Variants in CCDC97 observed in about 807,000 individuals in gnomAD.
CCDC97 encodes the protein coiled-coil domain-containing protein 97.
CCDC97 carries 27 observed loss-of-function variants against 33.9 expected under a neutral mutation model. The observed-to-expected ratio is 0.80, with a 90% CI of 0.59 to 1.10. The LOEUF is 1.10. Ranked by LOEUF, CCDC97 falls within the 50% of genes least tolerant of loss-of-function variation. CCDC97 has a pLI of 0.00. For synonymous variants in CCDC97, 217 were observed against 194.0 expected (o/e 1.12, Z -0.99); for missense variants, 422 against 476.6 (o/e 0.89, Z 1.07).
chr19:41,322,583 C>T lies in CCDC97; in HGVS notation c.912-12C>T, dbSNP rs867615881. ...GGGAGACCCAGTCCTTGACAGCCTC[C>T]TCCTCCTGCAGCACAGTAGACGACA... On this transcript the variant is annotated splice_polypyrimidine_tract_variant and intron_variant, in intron 4 of 4. Transcript: ENST00000269967. The T allele has an allele frequency of 6.2e-7, 1 of 1,611,776 alleles. No homozygotes were observed. Among genetic ancestry groups the T allele is most frequent in the Non-Finnish European group, 8.5e-7 (1 of 1,178,562 alleles).
intron 2 of CCDC97, among the ~76,000 whole-genome samples, chr19:41,318,608 A>G (rs2037778522): frequency 1.3e-5 from 2 of 152,164 alleles, no homozygotes; most frequent in South Asian, 4.1e-4. Flanking sequence ...GACTCTGAAG[A>G]CACGGCTAGG....
In CCDC97 at chr19:41,320,782, C is replaced by T. The variant is rs1158860464; in HGVS notation, c.911+312C>T. On this transcript the variant is annotated intron_variant, in intron 4 of 4. Transcript: ENST00000269967. Reference sequence around the variant, plus strand: ...GCAGAGGCTACTACCCCAAGCCCCCCAAGTCTCCCTAGGAAGCCCAACCTC... The same window carrying T: ...GCAGAGGCTACTACCCCAAGCCCCCTAAGTCTCCCTAGGAAGCCCAACCTC... The T allele has an allele frequency of 4.2e-5, 12 of 288,676 alleles. 1 individual carries two copies. The South Asian group carries it at 4.4e-4, about 11-fold the overall frequency. 17.9% of individuals were successfully genotyped at this position (288,676 alleles called of 1,614,324 possible).
chr19:41,311,493 A>C (rs1291588500), intron 1 of CCDC97, among the ~76,000 whole-genome samples: 1 of 152,028 alleles, frequency 6.6e-6, no homozygotes, highest in African/African-American at 2.4e-5. Context: ...AGCACTTTGG[A>C]AGGCGGAGGC....
chr19:41,320,573 C>A, intron 4 of CCDC97, 103 bp downstream of exon 4: 1 of 1,451,034 alleles, frequency 6.9e-7, no homozygotes, highest in African/African-American at 1.4e-5. Context: ...CTTTGTGGAG[C>A]TACAAGGCCC....
At chr19:41,310,382 G>GC (rs1214254854) in intron 1 of CCDC97, 26 bp downstream of exon 1, 2 of 1,593,030 alleles carry the variant, frequency 1.3e-6, no homozygotes, top group African/African-American at 2.7e-5. Flanking sequence ...CGCGCAGGCG[G>GC]CGGGTGGGTG....
At chr19:41,319,155 G>T (rs1473975002) in intron 2 of CCDC97, among the ~76,000 whole-genome samples, 1 of 152,178 alleles carries the variant, frequency 6.6e-6, no homozygotes, top group Non-Finnish European at 1.5e-5. Context: ...AGCCTCAGAG[G>T]CCAGGATGTA....
intron 2 of CCDC97, among the ~76,000 whole-genome samples, chr19:41,317,460 T>C (rs1307084285): frequency 2.0e-5 from 3 of 152,134 alleles, no homozygotes; most frequent in Admixed American, 6.5e-5. Context: ...TGATGGCTTA[T>C]GCCTGTAATC....
chr19:41,317,819 G>A (rs1255407790), intron 2 of CCDC97, among the ~76,000 whole-genome samples: 2 of 151,890 alleles, frequency 1.3e-5, no homozygotes, highest in East Asian at 3.9e-4. Flanking sequence ...GGAGGGCGAG[G>A]TGGGGGTGGA....
chr19:41,313,631 C>T (rs1343124019), intron 1 of CCDC97, among the ~76,000 whole-genome samples: 3 of 152,162 alleles, frequency 2.0e-5, no homozygotes, highest in African/African-American at 4.8e-5. Flanking sequence ...TCCTGCTTGC[C>T]GCAGGCTTGC....
In CCDC97 at chr19:41,310,362, A is replaced by C; in HGVS notation, c.46+6A>C. 1.9e-6 allele frequency: 3 copies of C among 1,604,152 alleles called. No individual in the cohort carries two copies. The highest frequency in any genetic ancestry group is 2.6e-6 in the Non-Finnish European group (3 of 1,176,032). On this transcript the variant is annotated splice_donor_region_variant and intron_variant, in intron 1 of 4. Coordinates refer to ENST00000269967, the MANE Select transcript of CCDC97 (RefSeq NM_052848.3). The stretch of plus-strand genomic sequence containing the variant: ...GGCGAAGGAACCCGATAAGGGTGAG[A>C]TCTTGGTCACGCGCAGGCGGCGGGT...
intron 1 of CCDC97, 69 bp from the exon 2 acceptor site, chr19:41,316,315 T>C: frequency 8.1e-7 from 1 of 1,238,300 alleles, no homozygotes; most frequent in Non-Finnish European, 1.1e-6. Flanking sequence ...GTGAGCTGAG[T>C]GAGTGACTAA....
rs145537448 is a variant in CCDC97 at position 41,316,323 on chromosome 19, T to G, written c.47-61T>G. On this transcript the variant is annotated intron_variant, in intron 1 of 4. Coordinates refer to ENST00000269967, the MANE Select transcript of CCDC97 (RefSeq NM_052848.3). The stretch of plus-strand genomic sequence containing the variant: ...AGTAAATGTGAGCTGAGTGAGTGAC[T>G]AAGCCCCCAGTCCCTTCCCACACTC... 1.8e-3 allele frequency: 2,459 copies of G among 1,345,640 alleles called. 48 individuals are homozygous for G. In the Admixed American group the frequency reaches 0.026, roughly 14 times the overall value. The allele number at this position is 1,345,640 out of a possible 1,614,324, so 83.4% of individuals were successfully genotyped here. A position where few individuals can be genotyped will look rare whatever the true frequency, so the allele number is the denominator to read the frequency against.
intron 1 of CCDC97, among the ~76,000 whole-genome samples, chr19:41,311,530 G>C (rs1302412397): frequency 6.6e-6 from 1 of 151,976 alleles, no homozygotes; most frequent in Non-Finnish European, 1.5e-5. Context: ...GTCAGGAGTT[G>C]GAGACCAGCC....
At position 41,316,538 on chromosome 19, in the gene CCDC97, G is replaced by A. The variant is rs763043456; in HGVS notation, c.201G>A (p.Leu67=). 2 of 1,614,258 alleles carry A rather than the reference G, an allele frequency of 1.2e-6. No individual in the cohort carries two copies. The highest frequency in any genetic ancestry group is 1.6e-4 in the Middle Eastern group (1 of 6,062). The change falls in exon 2 of 5, where the codon CTG becomes CTA. Residue 67 remains leucine, a synonymous_variant. Transcript: ENST00000269967. ...AAAATGCAGCAGTGAGTGCTATGCTGCACGCTGTAGCCGCCAGCCGCCTGC... is the reference window on the plus strand; with the variant it reads ...AAAATGCAGCAGTGAGTGCTATGCTACACGCTGTAGCCGCCAGCCGCCTGC... ...GAENAAVSAM[L]HAVAASRLPV...
Position 41,324,096 on chromosome 19 carries a change from TA to T in CCDC97, c.*1382del, listed in dbSNP as rs2037857043. 1 of 152,296 alleles carries T rather than the reference TA, an allele frequency of 6.6e-6. No homozygotes were observed. Among genetic ancestry groups the T allele is most frequent in the Non-Finnish European group, 1.5e-5 (1 of 68,108 alleles). 9.4% of individuals were successfully genotyped at this position (152,296 alleles called of 1,614,324 possible). A position where few individuals can be genotyped will look rare whatever the true frequency, so the allele number is the denominator to read the frequency against. ...CGGTTCCTGACCTCCGAGCCTCAGC[TA>T]TGCCCTCTGGGTCAACCAGAATTAG... On this transcript the variant is annotated 3_prime_UTR_variant, in exon 5 of 5. Coordinates refer to ENST00000269967, the MANE Select transcript of CCDC97 (RefSeq NM_052848.3).
At chr19:41,315,229 G>A (rs978846175) in intron 1 of CCDC97, among the ~76,000 whole-genome samples, 6 of 149,878 alleles carry the variant, frequency 4.0e-5, no homozygotes, top group African/African-American at 7.4e-5. Context: ...AACCTGAGGC[G>A]GAGGTTGCAG....
chr19:41,315,224 G>C (rs1238891059), intron 1 of CCDC97, among the ~76,000 whole-genome samples: 1 of 149,366 alleles, frequency 6.7e-6, no homozygotes, highest in Non-Finnish European at 1.5e-5. Context: ...GCTTGAACCT[G>C]AGGCGGAGGT....
chr19:41,320,383 CGGA>C lies in CCDC97; in HGVS notation c.829_831del (p.Glu277del). 3 of 1,614,148 alleles carry C rather than the reference CGGA, an allele frequency of 1.9e-6. No individual in the cohort carries two copies. Among genetic ancestry groups the C allele is most frequent in the Non-Finnish European group, 2.5e-6 (3 of 1,180,032 alleles). On this transcript the variant is annotated inframe_deletion, in exon 4 of 5. Coordinates refer to ENST00000269967, the MANE Select transcript of CCDC97 (RefSeq NM_052848.3). ...GACTCGGAGGCCTGGGTTCCCGACT[CGGA>C]GGAGAGGCTGATCCTGCGAGAGGAG...
chr19:41,316,118 C>T (rs2037742791), intron 1 of CCDC97, among the ~76,000 whole-genome samples: 1 of 152,094 alleles, frequency 6.6e-6, no homozygotes, highest in Non-Finnish European at 1.5e-5. Flanking sequence ...TTGCAGCCTC[C>T]TCCACCTCTT....
Sources: allele counts gnomAD v4.1 joint callset (sites outside exome capture counted in the v4.1 genomes callset), GRCh38; gene constraint gnomAD v4.1.1; transcripts MANE v1.5; gene names NCBI Gene and HGNC (gene_info 2026-07-23, HGNC 2026-07-21).